MYO16: variants seen among roughly 807,000 people sequenced by gnomAD.
MYO16 encodes myosin XVI.
Under a neutral mutation model 205.3 loss-of-function variants are expected in MYO16, and 94 were observed. The ratio of observed to expected loss-of-function variants is 0.46; its 90% CI spans 0.39 to 0.54. MYO16 has a LOEUF of 0.54. MYO16 is among the 20% of genes least tolerant of loss of function. The probability of loss-of-function intolerance (pLI) is 0.00; values close to 1 mark genes in which losing one functional copy is unlikely to be tolerated. For synonymous variants in MYO16, 988 were observed against 954.0 expected (o/e 1.04, Z -0.66); for missense variants, 2,315 against 2,387.5 (o/e 0.97, Z 0.63).
At chr13:108,659,915 A>G (rs1881427633) in intron 1 of MYO16, among the ~76,000 whole-genome samples, 1 of 152,182 alleles carries the variant, frequency 6.6e-6, no homozygotes, top group African/African-American at 2.4e-5. Flanking sequence ...AGATATTAGT[A>G]TAATGTACGG....
chr13:109,204,032 G>A (rs1300152061), intron 34 of MYO16, among the ~76,000 whole-genome samples: 1 of 152,118 alleles, frequency 6.6e-6, no homozygotes, highest in African/African-American at 2.4e-5. Flanking sequence ...ATGTCCCCGG[G>A]AGGAAAAAAG....
Position 108,971,349 on chromosome 13 carries a change from TTATATA to T in MYO16, c.2369+6468_2369+6473del, listed in dbSNP as rs60564701. ...GAATAAAATGGTGTGTGTGTGTTGA[TTATATA>T]TATATATATATATATATATACACAT... is the stretch of plus-strand genomic sequence containing the variant. On this transcript the variant is annotated intron_variant, in intron 20 of 34. Transcript: ENST00000457511. Among the ~76,000 whole-genome samples, 1,407 of 143,876 alleles carry T rather than the reference TTATATA, an allele frequency of 9.8e-3. 16 individuals are homozygous for T. The highest frequency in any genetic ancestry group is 0.024 in the African/African-American group (941 of 39,118). 94.4% of individuals were successfully genotyped at this position (143,876 alleles called of 152,430 possible). A position where few individuals can be genotyped will look rare whatever the true frequency, so the allele number is the denominator to read the frequency against.
At chr13:109,027,890 G>T (rs1331734254) in intron 23 of MYO16, among the ~76,000 whole-genome samples, 1 of 152,102 alleles carries the variant, frequency 6.6e-6, no homozygotes, top group Non-Finnish European at 1.5e-5. Flanking sequence ...AGGAGTTATC[G>T]AGTCAACTTT....
chr13:108,572,335 G>A, the MYO16 span, among the ~76,000 whole-genome samples: 2 of 152,084 alleles, frequency 1.3e-5, no homozygotes, highest in African/African-American at 4.8e-5. Flanking sequence ...TAACCTTTGG[G>A]TATAATCTTT....
intron 29 of MYO16, among the ~76,000 whole-genome samples, chr13:109,122,704 T>A (rs1329583870): frequency 6.4e-4 from 91 of 142,470 alleles, no homozygotes; most frequent in Admixed American, 1.2e-3. Context: ...AAAAAAAAAA[T>A]GGTCTTAAAA....
chr13:109,021,144 A>G (rs1339840996), intron 23 of MYO16, among the ~76,000 whole-genome samples: 1 of 152,170 alleles, frequency 6.6e-6, no homozygotes, highest in Admixed American at 6.6e-5. Context: ...TTCAGGATTC[A>G]GTTGTATAGG....
At chr13:108,545,960 A>G in the MYO16 span, among the ~76,000 whole-genome samples, 6 of 152,342 alleles carry the variant, frequency 3.9e-5, no homozygotes, top group East Asian at 1.2e-3. Flanking sequence ...GGTCTGCCAC[A>G]TCGCAATCTC....
At chr13:109,157,227 C>A (rs1218924791) in intron 32 of MYO16, among the ~76,000 whole-genome samples, 1 of 104,216 alleles carries the variant, frequency 9.6e-6, no homozygotes, top group African/African-American at 3.8e-5. Flanking sequence ...ACTTTCTTTG[C>A]TAGATTAGTA....
rs10557146 is a variant in MYO16 at position 109,055,246 on chromosome 13, TACACACACACAC to T, written c.3130-126_3130-115del. On this transcript the variant is annotated intron_variant, in intron 26 of 34. Transcript: ENST00000457511. The surrounding 1 kb of genome is among the most constrained non-coding windows in gnomAD (Gnocchi z 5.0). The stretch of plus-strand genomic sequence containing the variant: ...AATATCTTCACAAAAAAAGTAAACA[TACACACACACAC>T]ACACACACACACACACAGAGTAAAT... 16 of 658,580 alleles carry T rather than the reference TACACACACACAC, an allele frequency of 2.4e-5. No individual in the cohort carries two copies. The highest frequency in any genetic ancestry group is 6.8e-5 in the South Asian group (3 of 43,836). The allele number at this position is 658,580 out of a possible 1,614,324, so 40.8% of individuals were successfully genotyped here.
At chr13:108,863,148 G>A in intron 11 of MYO16, among the ~76,000 whole-genome samples, 1 of 152,028 alleles carries the variant, frequency 6.6e-6, no homozygotes, top group East Asian at 1.9e-4. Context: ...CATATAGTCT[G>A]CAAATGATGA....
At chr13:109,102,275 T>G (rs1406658370) in intron 28 of MYO16, among the ~76,000 whole-genome samples, 1 of 152,074 alleles carries the variant, frequency 6.6e-6, no homozygotes, top group African/African-American at 2.4e-5. Flanking sequence ...CCAGAGTCAG[T>G]GACATAGGGG....
chr13:108,685,452 G>A (rs1202425918), intron 2 of MYO16, among the ~76,000 whole-genome samples: 1 of 152,210 alleles, frequency 6.6e-6, no homozygotes, highest in Non-Finnish European at 1.5e-5. Flanking sequence ...TAAATTGAAT[G>A]GAATTGCTGG....
chr13:109,106,897 T>G (rs887841396), intron 28 of MYO16, among the ~76,000 whole-genome samples: 1 of 152,206 alleles, frequency 6.6e-6, no homozygotes, highest in Non-Finnish European at 1.5e-5. Flanking sequence ...GGCAGGAACT[T>G]GTGATACCTG....
At chr13:108,805,603 T>C (rs1887089282) in intron 6 of MYO16, among the ~76,000 whole-genome samples, 1 of 152,230 alleles carries the variant, frequency 6.6e-6, no homozygotes, top group East Asian at 1.9e-4. Context: ...CTTATGTTTA[T>C]AAAATACATC....
the MYO16 span, among the ~76,000 whole-genome samples, chr13:108,543,899 C>T: frequency 2.0e-5 from 3 of 150,532 alleles, no homozygotes; most frequent in East Asian, 2.0e-4. Context: ...AACCCCCTCT[C>T]TACTAAAAAT....
At chr13:108,995,589 C>A (rs942363880) in intron 21 of MYO16, among the ~76,000 whole-genome samples, 1 of 152,060 alleles carries the variant, frequency 6.6e-6, no homozygotes, top group Admixed American at 6.5e-5. Context: ...TCCCTCCCCC[C>A]TCTCCCCACT....
intron 27 of MYO16, among the ~76,000 whole-genome samples, chr13:109,093,719 T>C (rs1888691036): frequency 6.6e-6 from 1 of 152,098 alleles, no homozygotes; most frequent in African/African-American, 2.4e-5. Flanking sequence ...CCCAAATATG[T>C]AGAGAGCCCA....
chr13:108,616,772 G>A (rs112726668), intron 1 of MYO16, among the ~76,000 whole-genome samples: 289 of 152,204 alleles, frequency 1.9e-3, no homozygotes, highest in African/African-American at 6.6e-3. Context: ...AGAAAGAAAG[G>A]AATTGTTAGG....
intron 27 of MYO16, among the ~76,000 whole-genome samples, chr13:109,056,897 G>GT (rs1566484813): frequency 6.6e-6 from 1 of 152,086 alleles, no homozygotes; most frequent in Non-Finnish European, 1.5e-5. Flanking sequence ...TTGCAAGTGT[G>GT]AAATCTCGCA....
Sources: gnomAD v4.1 joint callset for allele counts (sites outside exome capture counted in the v4.1 genomes callset) on GRCh38, gnomAD v4.1.1 for gene constraint, Gnocchi (gnomAD v3.1) non-coding constraint, MANE v1.5 for transcripts, NCBI Gene and HGNC (gene_info 2026-07-23, HGNC 2026-07-21) for gene names.